Variants in ELMO1 observed in about 807,000 individuals in gnomAD.
The protein encoded by ELMO1 is engulfment and cell motility 1.
In ELMO1, 26 loss-of-function variants were observed where a neutral mutation model predicts 98.9. The observed-to-expected ratio is 0.26, with a 90% CI of 0.19 to 0.36. The LOEUF (loss-of-function observed/expected upper bound fraction) is 0.36, where lower values mean the gene tolerates loss of function less well. Among genes scored for constraint, ELMO1 ranks in the 10% least tolerant of loss-of-function variants. The pLI is 1.00. For synonymous variants in ELMO1, 346 were observed against 346.0 expected, an observed-to-expected ratio of 1.00 and a Z score of 0.00; for missense variants, 627 against 935.2, an observed-to-expected ratio of 0.67 and a Z score of 4.30.
chr7:36,956,121 C>A (rs1788421735), intron 16 of ELMO1, among the ~76,000 whole-genome samples: 1 of 152,156 alleles, frequency 6.6e-6, no homozygotes, highest in South Asian at 2.1e-4. Flanking sequence ...AGAGCCTTTT[C>A]TTGTCTAGGG....
chr7:37,044,722 G>C (rs957422319), intron 15 of ELMO1, among the ~76,000 whole-genome samples: 6 of 152,140 alleles, frequency 3.9e-5, no homozygotes, highest in African/African-American at 1.4e-4. Flanking sequence ...CCCTCTTTCT[G>C]CAGCGAGATG....
chr7:37,334,561 A>C (rs1167734020), intron 2 of ELMO1, among the ~76,000 whole-genome samples: 1 of 152,244 alleles, frequency 6.6e-6, no homozygotes, highest in Non-Finnish European at 1.5e-5. Context: ...CCTTTGAATA[A>C]CTATGAAGTA....
chr7:37,138,985 C>CAGAA (rs1282519388), intron 13 of ELMO1, among the ~76,000 whole-genome samples: 1 of 152,190 alleles, frequency 6.6e-6, no homozygotes, highest in Non-Finnish European at 1.5e-5. Context: ...ATATGATCAT[C>CAGAA]TCAACAGATG....
intron 1 of ELMO1, among the ~76,000 whole-genome samples, chr7:37,419,965 C>T (rs1352417804): frequency 6.6e-6 from 1 of 152,186 alleles, no homozygotes; most frequent in Non-Finnish European, 1.5e-5. Flanking sequence ...AACATCCTAT[C>T]ATCATTTGTA....
chr7:36,985,387 C>T (rs1389231338), intron 16 of ELMO1, among the ~76,000 whole-genome samples: 5 of 151,860 alleles, frequency 3.3e-5, no homozygotes, highest in Non-Finnish European at 5.9e-5. Context: ...AAGGACATGA[C>T]CTAGCTCAGT....
intron 1 of ELMO1, among the ~76,000 whole-genome samples, chr7:37,432,001 C>T (rs992198818): frequency 1.3e-5 from 2 of 152,188 alleles, no homozygotes; most frequent in Admixed American, 6.5e-5. Flanking sequence ...CCTGCCTCAG[C>T]CTCCCGAGTA....
At chr7:37,167,435 A>C (rs1289740440) in intron 13 of ELMO1, among the ~76,000 whole-genome samples, 2 of 151,628 alleles carry the variant, frequency 1.3e-5, no homozygotes, top group Admixed American at 6.6e-5. Flanking sequence ...TCCTAGTCTC[A>C]ATGGTCTTTA....
chr7:36,868,803 C>T (rs997278276), intron 20 of ELMO1, among the ~76,000 whole-genome samples: 5 of 152,114 alleles, frequency 3.3e-5, no homozygotes, highest in African/African-American at 1.2e-4. Context: ...CCAGGTACAC[C>T]CTTCCTGGTC....
At chr7:37,242,868 G>A (rs1794826397) in intron 7 of ELMO1, among the ~76,000 whole-genome samples, 1 of 152,114 alleles carries the variant, frequency 6.6e-6, no homozygotes, top group Non-Finnish European at 1.5e-5. Flanking sequence ...GCCACCCCAT[G>A]CTGCCTGGAT....
chr7:37,352,549 C>T (rs373034836), intron 1 of ELMO1, among the ~76,000 whole-genome samples: 4 of 152,146 alleles, frequency 2.6e-5, no homozygotes, highest in African/African-American at 9.7e-5. Flanking sequence ...AAACATCTTG[C>T]GGCACACGTT....
chr7:37,060,043 G>A (rs999254255), intron 15 of ELMO1, among the ~76,000 whole-genome samples: 7 of 152,200 alleles, frequency 4.6e-5, no homozygotes, highest in Non-Finnish European at 1.0e-4. Context: ...CCCTTTGTTA[G>A]GGACTTTCAT....
chr7:36,923,186 G>A (rs1204504746), intron 16 of ELMO1, among the ~76,000 whole-genome samples: 2 of 152,166 alleles, frequency 1.3e-5, no homozygotes, highest in African/African-American at 4.8e-5. Context: ...GCATCCCTCA[G>A]ATGCCAATTA....
chr7:37,192,419 C>T (rs932165527), intron 13 of ELMO1, among the ~76,000 whole-genome samples: 19 of 144,454 alleles, frequency 1.3e-4, no homozygotes, highest in African/African-American at 2.8e-4. Context: ...CGCTTGAACC[C>T]GGGAGGAGGA....
At chr7:37,135,719 C>G (rs1286868131) in intron 13 of ELMO1, among the ~76,000 whole-genome samples, 11 of 152,192 alleles carry the variant, frequency 7.2e-5, no homozygotes, top group Admixed American at 5.9e-4. Context: ...ACAAAAGAAT[C>G]TGAACAGTAG....
At chr7:37,191,939 C>A (rs996419710) in intron 13 of ELMO1, among the ~76,000 whole-genome samples, 1 of 152,034 alleles carries the variant, frequency 6.6e-6, no homozygotes, top group Non-Finnish European at 1.5e-5. Context: ...AAAATGTTAT[C>A]TGGCTTCTGC....
chr7:37,023,149 G>A (rs1008243561), intron 15 of ELMO1, among the ~76,000 whole-genome samples: 1 of 152,174 alleles, frequency 6.6e-6, no homozygotes, highest in African/African-American at 2.4e-5. Flanking sequence ...GGGCCTCTGA[G>A]GGTTGTTTAA....
chr7:37,425,646 C>T (rs1179492575), intron 1 of ELMO1, among the ~76,000 whole-genome samples: 2 of 152,192 alleles, frequency 1.3e-5, no homozygotes, highest in African/African-American at 2.4e-5. Context: ...TAATCACAAA[C>T]GTCAGATTTC....
At chr7:37,368,717 T>C (rs1193857425) in intron 1 of ELMO1, among the ~76,000 whole-genome samples, 1 of 152,228 alleles carries the variant, frequency 6.6e-6, no homozygotes, top group Non-Finnish European at 1.5e-5. Flanking sequence ...CTGCATAAGA[T>C]GACCTTTGCT....
chr7:37,237,135 A>C (rs995950693), intron 7 of ELMO1, among the ~76,000 whole-genome samples: 34 of 152,348 alleles, frequency 2.2e-4, no homozygotes, highest in African/African-American at 7.9e-4. Flanking sequence ...TGATTCAAAT[A>C]AATGTTTCTC....
Sources: allele counts gnomAD v4.1 joint callset (sites outside exome capture counted in the v4.1 genomes callset), GRCh38; gene constraint gnomAD v4.1.1; transcripts MANE v1.5; gene names NCBI Gene and HGNC (gene_info 2026-07-23, HGNC 2026-07-21).